Variants in CPHXL observed in about 807,000 individuals in gnomAD.
CPHXL encodes the protein cytoplasmic polyadenylated homeobox like.
intron 1 of CPHXL, among the ~76,000 whole-genome samples, chr16:75,726,063 G>C (rs973765379): frequency 3.5e-5 from 5 of 144,198 alleles, no homozygotes; most frequent in African/African-American, 7.6e-5. Flanking sequence ...GGTAAAACTT[G>C]TGGAACAATT....
At chr16:75,725,753 CTTT>C (rs35659823) in intron 1 of CPHXL, among the ~76,000 whole-genome samples, 51 of 43,318 alleles carry the variant, frequency 1.2e-3, no homozygotes, top group East Asian at 6.8e-3. Flanking sequence ...TGCCCGGCGT[CTTT>C]TTTTTTTTTT....
At chr16:75,719,669 C>T (rs777270598) in intron 1 of CPHXL, among the ~76,000 whole-genome samples, 9 of 152,186 alleles carry the variant, frequency 5.9e-5, no homozygotes, top group Non-Finnish European at 8.8e-5. Context: ...TAGACTCCAC[C>T]TCCGGGGGCA....
intron 1 of CPHXL, among the ~76,000 whole-genome samples, chr16:75,719,624 G>T (rs548108254): frequency 8.1e-4 from 123 of 152,300 alleles, no homozygotes; most frequent in African/African-American, 2.8e-3. Flanking sequence ...ACTGGGTGGA[G>T]CCCACTGCAG....
intron 1 of CPHXL, among the ~76,000 whole-genome samples, chr16:75,719,517 G>C (rs973812715): frequency 3.4e-4 from 52 of 152,300 alleles, no homozygotes; most frequent in African/African-American, 1.1e-3. Flanking sequence ...TAGCACAGCA[G>C]TGTGAGATCA....
At chr16:75,715,676 A>G (rs1273182094) in intron 2 of CPHXL, among the ~76,000 whole-genome samples, 1 of 151,904 alleles carries the variant, frequency 6.6e-6, no homozygotes, top group Non-Finnish European at 1.5e-5. Context: ...ATTTTCTGAC[A>G]TACACATTTC....
chr16:75,726,389 T>G (rs1253536286), intron 1 of CPHXL, 29 bp downstream of exon 1: 2 of 398,462 alleles, frequency 5.0e-6, no homozygotes, highest in Non-Finnish European at 8.8e-6. Context: ...GAAGTAGCAT[T>G]GTAAGAGAAA....
At chr16:75,721,198 G>C (rs1032537885) in intron 1 of CPHXL, among the ~76,000 whole-genome samples, 5 of 152,068 alleles carry the variant, frequency 3.3e-5, no homozygotes, top group East Asian at 1.9e-4. Context: ...CATGAACTAA[G>C]GGGCAAAATA....
At chr16:75,721,013 G>T (rs979648701) in intron 1 of CPHXL, among the ~76,000 whole-genome samples, 2 of 152,136 alleles carry the variant, frequency 1.3e-5, no homozygotes, top group African/African-American at 2.4e-5. Context: ...AGCTTCATAA[G>T]TGAAGGAGAA....
intron 2 of CPHXL, among the ~76,000 whole-genome samples, chr16:75,717,100 A>C (rs763180409): frequency 2.6e-5 from 4 of 152,156 alleles, no homozygotes; most frequent in Non-Finnish European, 5.9e-5. Context: ...CATAACCCAC[A>C]CATAGTAAAC....
chr16:75,721,394 A>G (rs1959475086), intron 1 of CPHXL, among the ~76,000 whole-genome samples: 6 of 152,230 alleles, frequency 3.9e-5, no homozygotes, highest in Admixed American at 3.9e-4. Flanking sequence ...CTCAAAATAA[A>G]GGGATGGAGG....
chr16:75,722,280 C>G (rs1044943153), intron 1 of CPHXL, among the ~76,000 whole-genome samples: 1 of 147,956 alleles, frequency 6.8e-6, no homozygotes, highest in Non-Finnish European at 1.5e-5. Flanking sequence ...GAAATAGAGA[C>G]ACAAAAAAAC....
In CPHXL at chr16:75,718,231, T is replaced by C. The variant is rs778989301; in HGVS notation, c.219+34A>G. 1.7e-3 allele frequency: 657 copies of C among 396,818 alleles called. 1 individual carries two copies. Among genetic ancestry groups the C allele is most frequent in the Non-Finnish European group, 2.1e-3 (462 of 225,156 alleles). 24.6% of individuals were successfully genotyped at this position (396,818 alleles called of 1,614,324 possible). A position where few individuals can be genotyped will look rare whatever the true frequency, so the allele number is the denominator to read the frequency against. ...GAGACCTTGTCTAAAAAAAAAAAAA[T>C]CTAGGAAATATACATATGAGGTCTT... On this transcript the variant is annotated intron_variant, in intron 2 of 2. Transcript: ENST00000640559.
chr16:75,720,365 G>C (rs1461218807), intron 1 of CPHXL, among the ~76,000 whole-genome samples: 3 of 152,140 alleles, frequency 2.0e-5, no homozygotes, highest in Non-Finnish European at 4.4e-5. Flanking sequence ...AAAAAAATTA[G>C]ATGAATGGCT....
At chr16:75,722,182 A>T (rs1184113463) in intron 1 of CPHXL, among the ~76,000 whole-genome samples, 1 of 152,244 alleles carries the variant, frequency 6.6e-6, no homozygotes, top group Non-Finnish European at 1.5e-5. Context: ...CCCTAACATC[A>T]CAATGAAAAG....
chr16:75,722,210 G>C lies in CPHXL; in HGVS notation c.26-3752C>G, dbSNP rs149118328. 9.5e-3 allele frequency among the ~76,000 whole-genome samples: 1,441 copies of C among 151,986 alleles called. 27 individuals carry two copies. Among genetic ancestry groups the C allele is most frequent in the African/African-American group, 0.032 (1,340 of 41,456 alleles). ...ATGAAAAGAACTAGAGAAGCAAGAG[G>C]AAACACATTCAAAAGCTAGCAGAAG... On this transcript the variant is annotated intron_variant, in intron 1 of 2. Transcript: ENST00000640559.
intron 1 of CPHXL, among the ~76,000 whole-genome samples, chr16:75,725,533 A>G (rs1959544132): frequency 6.6e-6 from 1 of 151,384 alleles, no homozygotes; most frequent in Non-Finnish European, 1.5e-5. Context: ...GCTCACTGCA[A>G]GCTCCGCCTC....
At chr16:75,721,722 A>G (rs1959479952) in intron 1 of CPHXL, among the ~76,000 whole-genome samples, 1 of 152,150 alleles carries the variant, frequency 6.6e-6, no homozygotes, top group Non-Finnish European at 1.5e-5. Context: ...AGGATATCCA[A>G]GAATTGAACT....
In CPHXL at chr16:75,714,842, A is replaced by T; in HGVS notation, c.600T>A (p.Ser200Arg). Residue 200 changes from serine to arginine, a missense_variant, in exon 3 of 3, where the codon AGT becomes AGA. Physicochemically the swap from Ser to Arg is moderately radical, Grantham distance 110. Transcript: ENST00000640559. ...CSYLEKLGIP[S>R]QQVASQSSYL... Reference sequence around the variant, plus strand: ...AGGAACTCTGGGAGGCCACCTGTTGACTGGGAATCCCTAGTTTCTCCAGAT... The same window carrying T: ...AGGAACTCTGGGAGGCCACCTGTTGTCTGGGAATCCCTAGTTTCTCCAGAT... 1 of 398,662 alleles carries T rather than the reference A, an allele frequency of 2.5e-6. No individual in the cohort carries two copies. The highest frequency in any genetic ancestry group is 4.4e-6 in the Non-Finnish European group (1 of 226,100). 24.7% of individuals were successfully genotyped at this position (398,662 alleles called of 1,614,324 possible).
intron 2 of CPHXL, among the ~76,000 whole-genome samples, chr16:75,716,665 G>A (rs1597219365): frequency 6.6e-6 from 1 of 152,206 alleles, no homozygotes; most frequent in East Asian, 1.9e-4. Context: ...GTATGGTCAT[G>A]ATTGATTAAG....
Sources: gnomAD v4.1 joint callset for allele counts (sites outside exome capture counted in the v4.1 genomes callset) on GRCh38, gnomAD v4.1.1 for gene constraint, MANE v1.5 for transcripts, NCBI Gene and HGNC (gene_info 2026-07-23, HGNC 2026-07-21) for gene names.